The following RAB14 variants were observed in gnomAD, a reference collection of about 807,000 sequenced individuals.
RAB14 encodes RAB14, member RAS oncogene family, also known as ras-related protein Rab-14.
Under a neutral mutation model 31.1 loss-of-function variants are expected in RAB14, and 3 were observed. That is an observed-to-expected ratio of 0.10 (90% CI 0.04 to 0.25). The LOEUF (loss-of-function observed/expected upper bound fraction) is 0.25. Among genes scored for constraint, RAB14 ranks in the 10% least tolerant of loss-of-function variants. The pLI is 1.00. For missense variants in RAB14, 111 were observed against 260.1 expected (o/e 0.43, Z 3.94); for synonymous variants, 85 against 84.9 (o/e 1.00, Z 0.00).
At position 121,186,935 on chromosome 9, in the gene RAB14, A is replaced by C. The variant is rs1564319558; in HGVS notation, c.351+18T>G. 2 of 1,497,588 alleles carry C rather than the reference A, an allele frequency of 1.3e-6. No individual in the cohort carries two copies. Among genetic ancestry groups the C allele is most frequent in the African/African-American group, 1.4e-5 (1 of 69,478 alleles). 92.8% of individuals were successfully genotyped at this position (1,497,588 alleles called of 1,614,324 possible). ...TAGTTCTTAAATTTTCTGTGTAATAAGATGCCATTTAACTTACAGTATTTG... is the reference window on the plus strand; with the variant it reads ...TAGTTCTTAAATTTTCTGTGTAATACGATGCCATTTAACTTACAGTATTTG... On this transcript the variant is annotated intron_variant, in intron 5 of 7. Coordinates refer to ENST00000373840, the MANE Select transcript of RAB14 (RefSeq NM_016322.4).
At chr9:121,196,112 A>G (rs1029212799) in intron 1 of RAB14, among the ~76,000 whole-genome samples, 1 of 152,150 alleles carries the variant, frequency 6.6e-6, no homozygotes, top group African/African-American at 2.4e-5. Context: ...TCTAAAAAAA[A>G]GGACAGGAAA....
chr9:121,193,345 A>G lies in RAB14; in HGVS notation c.52+16T>C. On this transcript the variant is annotated intron_variant, in intron 2 of 7. Coordinates refer to ENST00000373840, the MANE Select transcript of RAB14 (RefSeq NM_016322.4). Reference sequence around the variant, plus strand: ...ACCTTCTTTTGGGAACAAGAGTGTAAGTTAAATAAACTTACCAATAATAAT... The same window carrying G: ...ACCTTCTTTTGGGAACAAGAGTGTAGGTTAAATAAACTTACCAATAATAAT... The G allele has an allele frequency of 1.3e-6, 2 of 1,528,812 alleles. No individual in the cohort carries two copies. The highest frequency in any genetic ancestry group is 1.2e-5 in the South Asian group (1 of 85,954). The allele number at this position is 1,528,812 out of a possible 1,614,324, so 94.7% of individuals were successfully genotyped here. A position where few individuals can be genotyped will look rare whatever the true frequency, so the allele number is the denominator to read the frequency against.
chr9:121,200,656 T>C (rs1312290628), intron 1 of RAB14, among the ~76,000 whole-genome samples: 3 of 152,192 alleles, frequency 2.0e-5, no homozygotes, highest in Non-Finnish European at 4.4e-5. Context: ...TGTAACTACA[T>C]TATAAATGGT....
intron 1 of RAB14, among the ~76,000 whole-genome samples, chr9:121,198,887 TA>T (rs2053733618): frequency 6.6e-6 from 1 of 151,770 alleles, no homozygotes; most frequent in African/African-American, 2.4e-5. Flanking sequence ...TCTAATCTAA[TA>T]AAAATGAGTG....
rs375952450 is a variant in RAB14 at position 121,201,459 on chromosome 9, T to G, written c.-8+180A>C. 3.9e-5 allele frequency among the ~76,000 whole-genome samples: 6 copies of G among 152,096 alleles called. No individual in the cohort carries two copies. In the East Asian group the frequency reaches 9.7e-4, roughly 25 times the overall value. ...CACCTCCGCCCCCGCCCAGGAGTCC[T>G]GTCAGGCCGGCGCCGCGGCGCTCAC... On this transcript the variant is annotated intron_variant, in intron 1 of 7. Coordinates refer to ENST00000373840, the MANE Select transcript of RAB14 (RefSeq NM_016322.4).
At chr9:121,194,274 C>T (rs964634384) in intron 1 of RAB14, among the ~76,000 whole-genome samples, 7 of 152,062 alleles carry the variant, frequency 4.6e-5, no homozygotes, top group Admixed American at 3.9e-4. Context: ...TTCCCATACA[C>T]TATTCTAGGG....
At position 121,180,065 on chromosome 9, in the gene RAB14, C is replaced by G. The variant is rs2053624835; in HGVS notation, c.*1331G>C. 1 of 152,676 alleles carries G rather than the reference C, an allele frequency of 6.5e-6. No individual in the cohort carries two copies. The highest frequency in any genetic ancestry group is 1.5e-5 in the Non-Finnish European group (1 of 68,048). The allele number at this position is 152,676 out of a possible 1,614,324, so 9.5% of individuals were successfully genotyped here. On this transcript the variant is annotated 3_prime_UTR_variant, in exon 8 of 8. Coordinates refer to ENST00000373840, the MANE Select transcript of RAB14 (RefSeq NM_016322.4). ...CCACCTGGTGCAAAGTAATAACTTA[C>G]TTTGTATCAGCACAAGCGCTGAAAC...
chr9:121,192,242 A>C lies in RAB14; in HGVS notation c.53-18T>G. The stretch of plus-strand genomic sequence containing the variant: ...CATGTCCCCTGTTTAAAAAAAAAGA[A>C]GTTTCAGGTGGCAATTACATTTCTC... On this transcript the variant is annotated intron_variant, in intron 2 of 7. Coordinates refer to ENST00000373840, the MANE Select transcript of RAB14 (RefSeq NM_016322.4). 1.3e-6 allele frequency: 2 copies of C among 1,576,172 alleles called. No individual in the cohort carries two copies. The highest frequency in any genetic ancestry group is 1.7e-4 in the Middle Eastern group (1 of 5,950).
chr9:121,183,227 CAAA>C (rs3215744), intron 6 of RAB14, 81 bp downstream of exon 6: 1 of 1,084,772 alleles, frequency 9.2e-7, no homozygotes, highest in South Asian at 1.5e-5. Context: ...AAAAAAAATG[CAAA>C]AAAAAACCAA....
chr9:121,186,361 T>C (rs1429508389), intron 5 of RAB14, among the ~76,000 whole-genome samples: 3 of 152,190 alleles, frequency 2.0e-5, no homozygotes, highest in Non-Finnish European at 4.4e-5. Flanking sequence ...TGCTAGACTA[T>C]AAGCTCTTTG....
At chr9:121,190,202 AAATAGAGT>A (rs1365141889) in intron 4 of RAB14, among the ~76,000 whole-genome samples, 6 of 152,126 alleles carry the variant, frequency 3.9e-5, no homozygotes, top group African/African-American at 1.4e-4. Flanking sequence ...ACTAGAGACT[AAATAGAGT>A]AAGTCCCAAG....
At chr9:121,200,417 G>C (rs187685423) in intron 1 of RAB14, among the ~76,000 whole-genome samples, 1 of 152,160 alleles carries the variant, frequency 6.6e-6, no homozygotes, top group East Asian at 1.9e-4. Context: ...AGTAAACTTT[G>C]CAAGAGTTCA....
In RAB14 at chr9:121,180,266, A is replaced by C. The variant is rs1463796751; in HGVS notation, c.*1130T>G. The stretch of plus-strand genomic sequence containing the variant: ...TTCTGACTGTCCAGTTCAGAATCTG[A>C]CCATTCCAAGAAGATAAAGGTATAA... On this transcript the variant is annotated 3_prime_UTR_variant, in exon 8 of 8. Coordinates refer to ENST00000373840, the MANE Select transcript of RAB14 (RefSeq NM_016322.4). 6.6e-6 allele frequency: 1 copy of C among 152,666 alleles called. No homozygotes were observed. Among genetic ancestry groups the C allele is most frequent in the Non-Finnish European group, 1.5e-5 (1 of 68,040 alleles). 9.5% of individuals were successfully genotyped at this position (152,666 alleles called of 1,614,324 possible). A position where few individuals can be genotyped will look rare whatever the true frequency, so the allele number is the denominator to read the frequency against.
chr9:121,194,823 TAAGGG>T (rs1390346661), intron 1 of RAB14, among the ~76,000 whole-genome samples: 1 of 152,188 alleles, frequency 6.6e-6, no homozygotes, highest in Non-Finnish European at 1.5e-5. Flanking sequence ...TGTATTATTA[TAAGGG>T]AAGAGGAAGT....
At chr9:121,198,195 GATAA>G (rs57811623) in intron 1 of RAB14, among the ~76,000 whole-genome samples, 12,294 of 151,968 alleles carry the variant, frequency 0.081, 1,156 homozygotes, top group African/African-American at 0.22. Context: ...TTTCTCTACC[GATAA>G]ATATTTCAAA....
At chr9:121,200,809 G>A (rs1406172193) in intron 1 of RAB14, among the ~76,000 whole-genome samples, 1 of 152,136 alleles carries the variant, frequency 6.6e-6, no homozygotes, top group Non-Finnish European at 1.5e-5. Flanking sequence ...TTATGAAGTG[G>A]AGACAACTTA....
intron 2 of RAB14, 132 bp from the exon 3 acceptor site, chr9:121,192,356 T>C: frequency 1.9e-6 from 1 of 529,394 alleles, no homozygotes; most frequent in Non-Finnish European, 3.1e-6. Context: ...TCCTACTTTA[T>C]AATGATTCAA....
intron 5 of RAB14, among the ~76,000 whole-genome samples, chr9:121,186,080 G>A (rs558983927): frequency 8.9e-4 from 136 of 152,156 alleles, no homozygotes; most frequent in Non-Finnish European, 1.1e-3. Context: ...ATAAAGCCAA[G>A]TGAGACACAA....
chr9:121,196,540 A>T (rs1196836349), intron 1 of RAB14, among the ~76,000 whole-genome samples: 1 of 152,138 alleles, frequency 6.6e-6, no homozygotes. Flanking sequence ...CAGACTCAAG[A>T]GGTAACATGC....
Sources: allele counts gnomAD v4.1 joint callset (sites outside exome capture counted in the v4.1 genomes callset), GRCh38; gene constraint gnomAD v4.1.1; transcripts MANE v1.5; gene names NCBI Gene and HGNC (gene_info 2026-07-23, HGNC 2026-07-21).